The following RAB25 variants were observed in gnomAD, a reference collection of about 807,000 sequenced individuals.
RAB25 encodes the protein RAB25, member RAS oncogene family.
In RAB25, 23 loss-of-function variants were observed where a neutral mutation model predicts 25.2. The ratio of observed to expected loss-of-function variants is 0.91; its 90% confidence interval spans 0.66 to 1.29. RAB25 has a LOEUF of 1.29. Ranked by LOEUF, RAB25 falls within the 50% of genes most tolerant of loss-of-function variation. The pLI is 0.00. For missense variants in RAB25, 244 were observed against 277.3 expected, an observed-to-expected ratio of 0.88 and a Z score of 0.85; for synonymous variants, 102 against 111.5, an observed-to-expected ratio of 0.91 and a Z score of 0.54.
In RAB25 at chr1:156,068,280, G is replaced by A. The variant is rs775394870; in HGVS notation, c.250G>A (p.Gly84Ser). 24 of 1,612,036 alleles carry A rather than the reference G, an allele frequency of 1.5e-5. No homozygotes were observed. The highest frequency in any genetic ancestry group is 2.0e-5 in the Non-Finnish European group (23 of 1,178,238). ...YRAITSAYYR[G>S]AVGALLVFDL... Reference sequence around the variant, plus strand: ...CTCATTCCCACCCAGGTACTATCGTGGTGCAGTGGGGGCCCTCCTGGTGTT... The same window carrying A: ...CTCATTCCCACCCAGGTACTATCGTAGTGCAGTGGGGGCCCTCCTGGTGTT... Residue 84 changes from glycine to serine, a missense_variant, in exon 3 of 5, where the codon GGT becomes AGT. Gly to Ser is a moderately conservative substitution (Grantham distance 56). Coordinates refer to ENST00000361084, the MANE Select transcript of RAB25 (RefSeq NM_020387.4).
chr1:156,069,343 G>A (rs1647839636), intron 3 of RAB25, among the ~76,000 whole-genome samples: 1 of 152,062 alleles, frequency 6.6e-6, no homozygotes, highest in Admixed American at 6.5e-5. Context: ...ACCATGCCTG[G>A]CTAATTTTTG....
rs747118356 is a variant in RAB25 at position 156,068,400 on chromosome 1, G to A, written c.370G>A (p.Gly124Ser). ...AEATIVVMLVGNKSDLSQARE... is the reference protein window; with the variant it reads ...AEATIVVMLVSNKSDLSQARE... ...AGCCACGATCGTCGTCATGCTCGTG[G>A]GTAACAAAAGTGACCTCAGCCAGGC... Residue 124 changes from glycine (G) to serine (S), a missense_variant, in exon 3 of 5, where the codon GGT becomes AGT. Transcript: ENST00000361084. 6.2e-7 allele frequency: 1 copy of A among 1,613,954 alleles called. No homozygotes were observed. The highest frequency in any genetic ancestry group is 8.5e-7 in the Non-Finnish European group (1 of 1,180,016).
intron 1 of RAB25, among the ~76,000 whole-genome samples, chr1:156,064,782 G>T (rs746056533): frequency 5.3e-5 from 8 of 152,326 alleles, no homozygotes; most frequent in Middle Eastern, 6.8e-3. Context: ...ACTGAGAAAA[G>T]GTGAGTCACT....
chr1:156,061,497 G>C, intron 1 of RAB25, 54 bp downstream of exon 1: 2 of 1,575,992 alleles, frequency 1.3e-6, no homozygotes, highest in East Asian at 2.2e-5. Context: ...GAAAGAGATT[G>C]AATAGAGCCA....
chr1:156,064,767 C>A (rs1490361141), intron 1 of RAB25, among the ~76,000 whole-genome samples: 2 of 152,198 alleles, frequency 1.3e-5, no homozygotes, highest in African/African-American at 4.8e-5. Context: ...AGCAAGGCAA[C>A]TGAGACTGAG....
chr1:156,066,198 G>C, intron 2 of RAB25, 92 bp downstream of exon 2: 1 of 1,217,420 alleles, frequency 8.2e-7, no homozygotes, highest in Non-Finnish European at 1.1e-6. Flanking sequence ...GAGGAGGCAA[G>C]GGGGCTCAGC....
chr1:156,069,787 TC>T (rs767962154), intron 4 of RAB25, 36 bp downstream of exon 4: 12 of 1,540,974 alleles, frequency 7.8e-6, no homozygotes, highest in African/African-American at 2.7e-5. Context: ...CCCTATTCCA[TC>T]CCCGTGGCTT....
In RAB25 at chr1:156,070,443, A is replaced by G. The variant is rs1558098914; in HGVS notation, c.*156A>G. ...AAGGTCTTCATGCCCTATCACAAAT[A>G]CCTCTTTTATCTGTCCACCCCTCAC... is the stretch of plus-strand genomic sequence containing the variant. On this transcript the variant is annotated 3_prime_UTR_variant, in exon 5 of 5. Coordinates refer to ENST00000361084, the MANE Select transcript of RAB25 (RefSeq NM_020387.4). 9.4e-6 allele frequency: 9 copies of G among 960,154 alleles called. No individual in the cohort carries two copies. The highest frequency in any genetic ancestry group is 1.4e-5 in the Non-Finnish European group (9 of 656,332). 59.5% of individuals were successfully genotyped at this position (960,154 alleles called of 1,614,324 possible).
At chr1:156,064,535 C>T (rs1381450711) in intron 1 of RAB25, among the ~76,000 whole-genome samples, 9 of 152,150 alleles carry the variant, frequency 5.9e-5, no homozygotes, top group African/African-American at 2.2e-4. Context: ...CCACCTCAGC[C>T]TCCCAAGTAG....
At chr1:156,062,251 T>C (rs1436059221) in intron 1 of RAB25, among the ~76,000 whole-genome samples, 1 of 152,178 alleles carries the variant, frequency 6.6e-6, no homozygotes, top group African/African-American at 2.4e-5. Flanking sequence ...CAGAGTCTGA[T>C]AGAATCCAGA....
intron 1 of RAB25, among the ~76,000 whole-genome samples, chr1:156,063,072 A>AG (rs1451836720): frequency 1.3e-5 from 2 of 151,092 alleles, no homozygotes; most frequent in African/African-American, 2.4e-5. Flanking sequence ...AAAAAAAAAA[A>AG]AAAAGTATTG....
chr1:156,065,880 A>G lies in RAB25; in HGVS notation c.44-31A>G, dbSNP rs370018226. 11 of 1,541,830 alleles carry G rather than the reference A, an allele frequency of 7.1e-6. No individual in the cohort carries two copies. In the African/African-American group the frequency reaches 1.4e-4, roughly 19 times the overall value. ...GGTGGGGTTGGAGCTGCTCTACCCC[A>G]TGCTCAGCCCTTATCTCTCCACTCC... On this transcript the variant is annotated intron_variant, in intron 1 of 4. Coordinates refer to ENST00000361084, the MANE Select transcript of RAB25 (RefSeq NM_020387.4).
chr1:156,068,721 A>G (rs931364863), intron 3 of RAB25, among the ~76,000 whole-genome samples: 10 of 138,290 alleles, frequency 7.2e-5, no homozygotes, highest in African/African-American at 2.7e-4. Flanking sequence ...CCGGGTCTCA[A>G]TCTGTTGCCT....
intron 3 of RAB25, among the ~76,000 whole-genome samples, chr1:156,069,308 G>A (rs1054763932): frequency 6.6e-6 from 1 of 152,002 alleles, no homozygotes; most frequent in Non-Finnish European, 1.5e-5. Flanking sequence ...AGCCTCCCGA[G>A]TAGCTGGGAT....
chr1:156,070,055 AC>A, intron 4 of RAB25, 104 bp from the exon 5 acceptor site: 3 of 1,565,374 alleles, frequency 1.9e-6, no homozygotes, highest in Non-Finnish European at 2.6e-6. Context: ...AAGTGTGGCC[AC>A]CCCCCATGCT....
rs1329617508 is a variant in RAB25, at chr1:156,064,835, G to C, written c.44-1076G>C. ...TTAGTTAGAAGCTGAGCAGGGACCA[G>C]AGCCCACAATATGTGGCTCCCAGTC... is the stretch of plus-strand genomic sequence containing the variant. On this transcript the variant is annotated intron_variant, in intron 1 of 4. Coordinates refer to ENST00000361084, the MANE Select transcript of RAB25 (RefSeq NM_020387.4). Among the ~76,000 whole-genome samples the C allele has an allele frequency of 2.6e-5, 4 of 152,222 alleles. 1 individual carries two copies. Among genetic ancestry groups the C allele is most frequent in the South Asian group, 4.1e-4 (2 of 4,834 alleles).
chr1:156,069,002 A>G (rs1349354253), intron 3 of RAB25, among the ~76,000 whole-genome samples: 1 of 151,266 alleles, frequency 6.6e-6, no homozygotes, highest in Non-Finnish European at 1.5e-5. Context: ...AGTTAATTTT[A>G]AGGCAGCCCC....
At chr1:156,066,500 C>T (rs1647748634) in intron 2 of RAB25, among the ~76,000 whole-genome samples, 1 of 152,182 alleles carries the variant, frequency 6.6e-6, no homozygotes, top group African/African-American at 2.4e-5. Flanking sequence ...CTGCACGGAT[C>T]GAGAGCGCCC....
At chr1:156,069,881 C>T in intron 4 of RAB25, 130 bp downstream of exon 4, 3 of 937,690 alleles carry the variant, frequency 3.2e-6, no homozygotes, top group Non-Finnish European at 5.2e-6. Flanking sequence ...GGCACCACTG[C>T]CTGTCCCCCT....
Sources: allele counts gnomAD v4.1 joint callset (sites outside exome capture counted in the v4.1 genomes callset), GRCh38; gene constraint gnomAD v4.1.1; transcripts MANE v1.5; gene names NCBI Gene and HGNC (gene_info 2026-07-23, HGNC 2026-07-21).